The following GALNT13 variants were observed in gnomAD, a reference collection of about 807,000 sequenced individuals.
The protein encoded by GALNT13 is UDP-GalNAc:polypeptide N-acetylgalactosaminyltransferase 13.
In GALNT13, 28 loss-of-function variants were observed where a neutral mutation model predicts 64.2. That is an observed-to-expected ratio of 0.44 (90% CI 0.32 to 0.60). The LOEUF is 0.60. Among genes scored for constraint, GALNT13 ranks in the 20% least tolerant of loss-of-function variants. GALNT13 has a pLI of 0.05. For missense variants in GALNT13, 577 were observed against 669.8 expected (o/e 0.86, Z 1.53); for synonymous variants, 214 against 224.6 (o/e 0.95, Z 0.42).
intron 3 of GALNT13, among the ~76,000 whole-genome samples, chr2:154,027,762 G>C (rs1257783487): frequency 6.6e-6 from 1 of 151,948 alleles, no homozygotes; most frequent in African/African-American, 2.4e-5. Context: ...TAAATAAATA[G>C]GAACTGGGAA....
chr2:154,058,756 T>C (rs1700028028), intron 3 of GALNT13, among the ~76,000 whole-genome samples: 2 of 152,134 alleles, frequency 1.3e-5, no homozygotes, highest in Admixed American at 6.6e-5. Context: ...GGCAATAAGT[T>C]TGGAGATCTA....
chr2:153,259,720 C>T, the GALNT13 span, among the ~76,000 whole-genome samples: 4 of 152,176 alleles, frequency 2.6e-5, no homozygotes, highest in African/African-American at 9.7e-5. Flanking sequence ...GATAGTGAGG[C>T]CTCCCCAGCC....
At chr2:153,766,677 T>C in the GALNT13 span, among the ~76,000 whole-genome samples, 2 of 152,154 alleles carry the variant, frequency 1.3e-5, no homozygotes, top group African/African-American at 4.8e-5. Context: ...TCCATTATAT[T>C]CTTTATCTCT....
At chr2:153,410,914 G>A in the GALNT13 span, among the ~76,000 whole-genome samples, 1 of 151,378 alleles carries the variant, frequency 6.6e-6, no homozygotes, top group East Asian at 1.9e-4. Context: ...AGAGGAGAGA[G>A]AGTCCAGGCT....
At chr2:153,457,749 T>A in the GALNT13 span, among the ~76,000 whole-genome samples, 1 of 152,340 alleles carries the variant, frequency 6.6e-6, no homozygotes, top group East Asian at 1.9e-4. Flanking sequence ...TTCTGTGTTC[T>A]CCTAATGCTT....
rs374649382 is a variant in GALNT13 at position 154,227,604 on chromosome 2, G to A, written c.312-14426G>A. On this transcript the variant is annotated intron_variant, in intron 4 of 12. Transcript: ENST00000392825. ...TGTTTGGTTTTTTGTCCTTGCGATA[G>A]TTTGCTGAGAATGATGGTTTCCAGT... Among the ~76,000 whole-genome samples the A allele has an allele frequency of 2.6e-5, 4 of 151,164 alleles. No individual in the cohort carries two copies. The East Asian group carries it at 8.0e-4, about 30-fold the overall frequency.
the GALNT13 span, among the ~76,000 whole-genome samples, chr2:153,202,713 A>T: frequency 6.6e-6 from 1 of 152,232 alleles, no homozygotes; most frequent in Non-Finnish European, 1.5e-5. Flanking sequence ...TTATAAAATA[A>T]ATTATGATCT....
chr2:154,387,126 C>A (rs1244139133), intron 9 of GALNT13, among the ~76,000 whole-genome samples: 1 of 152,014 alleles, frequency 6.6e-6, no homozygotes, highest in Non-Finnish European at 1.5e-5. Context: ...GTAGTTCTGT[C>A]CACTGACATG....
intron 3 of GALNT13, among the ~76,000 whole-genome samples, chr2:153,980,997 A>T (rs981241396): frequency 7.9e-5 from 12 of 152,184 alleles, no homozygotes; most frequent in African/African-American, 2.9e-4. Context: ...CATTTAAAAA[A>T]TTTTAAAATA....
At chr2:153,941,051 T>C (rs1691304136) in intron 2 of GALNT13, among the ~76,000 whole-genome samples, 1 of 152,194 alleles carries the variant, frequency 6.6e-6, no homozygotes, top group Admixed American at 6.5e-5. Flanking sequence ...TTATTTCTTA[T>C]ATTTAACATC....
At chr2:153,949,576 A>G (rs1008643339) in intron 3 of GALNT13, among the ~76,000 whole-genome samples, 2 of 150,672 alleles carry the variant, frequency 1.3e-5, no homozygotes, top group Non-Finnish European at 2.9e-5. Context: ...GCATAAGAGT[A>G]GGAAATAACT....
At chr2:153,466,267 T>C in the GALNT13 span, among the ~76,000 whole-genome samples, 1 of 152,100 alleles carries the variant, frequency 6.6e-6, no homozygotes, top group East Asian at 1.9e-4. Context: ...TTGCCAGTTT[T>C]ACTACTTCGG....
At chr2:153,410,541 C>A in the GALNT13 span, among the ~76,000 whole-genome samples, 1 of 152,036 alleles carries the variant, frequency 6.6e-6, no homozygotes, top group Non-Finnish European at 1.5e-5. Flanking sequence ...AATCAACAGA[C>A]AATCATCAGA....
At chr2:154,008,283 A>G (rs1038811198) in intron 3 of GALNT13, among the ~76,000 whole-genome samples, 1 of 152,088 alleles carries the variant, frequency 6.6e-6, no homozygotes, top group African/African-American at 2.4e-5. Flanking sequence ...TTCGATTCAT[A>G]TCTTTTCACT....
At chr2:153,444,474 A>G in the GALNT13 span, among the ~76,000 whole-genome samples, 1 of 152,236 alleles carries the variant, frequency 6.6e-6, no homozygotes, top group Non-Finnish European at 1.5e-5. Flanking sequence ...GCACTAGCAG[A>G]AAAGCATTAT....
chr2:153,917,341 C>T (rs1260357855), intron 2 of GALNT13, among the ~76,000 whole-genome samples: 3 of 152,030 alleles, frequency 2.0e-5, no homozygotes, highest in Non-Finnish European at 2.9e-5. Flanking sequence ...CTACCTATAG[C>T]GGTAATATAG....
At chr2:154,283,873 A>G (rs1434372079) in intron 8 of GALNT13, among the ~76,000 whole-genome samples, 3 of 152,228 alleles carry the variant, frequency 2.0e-5, no homozygotes, top group Non-Finnish European at 4.4e-5. Context: ...TTTGAGATCA[A>G]TGAAACCTAT....
At chr2:154,356,149 G>A (rs1222354604) in intron 9 of GALNT13, among the ~76,000 whole-genome samples, 1 of 151,866 alleles carries the variant, frequency 6.6e-6, no homozygotes, top group African/African-American at 2.4e-5. Context: ...TGTTTGCTTT[G>A]TTTTTTGACA....
At chr2:153,167,171 A>G in the GALNT13 span, among the ~76,000 whole-genome samples, 1 of 152,232 alleles carries the variant, frequency 6.6e-6, no homozygotes, top group African/African-American at 2.4e-5. Context: ...TTTGTTCATA[A>G]TAGTCACTGT....
Sources: gnomAD v4.1 joint callset for allele counts (sites outside exome capture counted in the v4.1 genomes callset) on GRCh38, gnomAD v4.1.1 for gene constraint, MANE v1.5 for transcripts, NCBI Gene and HGNC (gene_info 2026-07-23, HGNC 2026-07-21) for gene names.